KLF8: variants seen among roughly 807,000 people sequenced by gnomAD.
KLF8 encodes the protein KLF transcription factor 8, also known as Krueppel-like factor 8.
Under a neutral mutation model 18.2 loss-of-function variants are expected in KLF8, and 10 were observed. That is an observed-to-expected ratio of 0.55 (90% CI 0.34 to 0.93). KLF8 has a LOEUF of 0.93. KLF8 is among the 40% of genes least tolerant of loss of function. The pLI, the probability that KLF8 is intolerant of heterozygous loss-of-function variation, is 0.02. For missense variants in KLF8, 264 were observed against 277.9 expected (o/e 0.95, Z 0.36); for synonymous variants, 109 against 97.3 (o/e 1.12, Z -0.71).
intron 3 of KLF8, chrX:56,266,010 T>C: frequency 2.3e-6 from 2 of 863,017 alleles, no homozygotes; most frequent in Non-Finnish European, 2.9e-6. Context: ...CATTATTTGA[T>C]ATTAAATAAT....
chrX:56,003,151 G>A, the KLF8 span, among the ~76,000 whole-genome samples: 2 of 111,303 alleles, frequency 1.8e-5, no homozygotes. Flanking sequence ...AGCACTTTGC[G>A]AGGCCAAGGC....
chrX:56,051,812 G>T, the KLF8 span, among the ~76,000 whole-genome samples: 2 of 106,997 alleles, frequency 1.9e-5, no homozygotes, highest in Non-Finnish European at 1.9e-5. Context: ...CTGAACGTTG[G>T]CCTGCCTTGC....
At chrX:56,192,869 T>C in the KLF8 span, among the ~76,000 whole-genome samples, 2 of 111,759 alleles carry the variant, frequency 1.8e-5, no homozygotes, top group African/African-American at 3.2e-5. Context: ...AAGTTAAAGT[T>C]TCTATCACAA....
chrX:56,176,932 G>A, the KLF8 span, among the ~76,000 whole-genome samples: 4 of 111,519 alleles, frequency 3.6e-5, no homozygotes, highest in East Asian at 1.1e-3. Context: ...TATACTTCTC[G>A]TGCCTTGGTT....
the KLF8 span, among the ~76,000 whole-genome samples, chrX:55,967,013 A>G: frequency 8.9e-6 from 1 of 111,954 alleles, no homozygotes; most frequent in African/African-American, 3.2e-5. Flanking sequence ...TTAATAGCAG[A>G]ATTGATCAAG....
the KLF8 span, among the ~76,000 whole-genome samples, chrX:56,190,528 A>AT: frequency 9.0e-6 from 1 of 111,561 alleles, no homozygotes; most frequent in Non-Finnish European, 1.9e-5. Flanking sequence ...TAGAATAAAT[A>AT]TTTTTTCCTT....
At chrX:55,949,613 A>G in the KLF8 span, among the ~76,000 whole-genome samples, 2 of 92,628 alleles carry the variant, frequency 2.2e-5, no homozygotes, top group Non-Finnish European at 4.6e-5. Flanking sequence ...CAACATGGTG[A>G]AACCCTGTCT....
the KLF8 span, among the ~76,000 whole-genome samples, chrX:56,041,407 G>A: frequency 1.8e-5 from 2 of 108,386 alleles, no homozygotes; most frequent in South Asian, 4.0e-4. Flanking sequence ...GAGCCACCTC[G>A]CCCAACCCTT....
the KLF8 span, among the ~76,000 whole-genome samples, chrX:56,085,122 A>G: frequency 3.8e-4 from 43 of 112,074 alleles, no homozygotes; most frequent in Admixed American, 2.4e-3. Context: ...GCCCCAGAGA[A>G]ACACTTGAAA....
chrX:55,969,754 A>T, the KLF8 span, among the ~76,000 whole-genome samples: 1 of 112,012 alleles, frequency 8.9e-6, no homozygotes, highest in Non-Finnish European at 1.9e-5. Flanking sequence ...TTAAAAGCAG[A>T]CATTACAATT....
At chrX:56,115,091 T>C in the KLF8 span, among the ~76,000 whole-genome samples, 1 of 111,695 alleles carries the variant, frequency 9.0e-6, no homozygotes, top group African/African-American at 3.2e-5. Flanking sequence ...GATTATGTTT[T>C]TCTCTTAAAA....
chrX:56,081,325 G>A, the KLF8 span, among the ~76,000 whole-genome samples: 2 of 111,790 alleles, frequency 1.8e-5, no homozygotes, highest in African/African-American at 6.5e-5. Context: ...TGGGTTTTTG[G>A]TGTGGATGTC....
At chrX:56,004,355 T>C in the KLF8 span, among the ~76,000 whole-genome samples, 1 of 111,945 alleles carries the variant, frequency 8.9e-6, no homozygotes, top group African/African-American at 3.2e-5. Flanking sequence ...ACAGATGCCA[T>C]TGAGTAATTG....
the KLF8 span, among the ~76,000 whole-genome samples, chrX:55,910,688 A>G: frequency 8.9e-6 from 1 of 112,175 alleles, no homozygotes; most frequent in Non-Finnish European, 1.9e-5. Flanking sequence ...AAAAAGAAGT[A>G]ACAATCATTC....
chrX:56,050,675 G>T, the KLF8 span, among the ~76,000 whole-genome samples: 1 of 112,106 alleles, frequency 8.9e-6, no homozygotes, highest in Non-Finnish European at 1.9e-5. Flanking sequence ...GCTGAGGAGA[G>T]ATTTACTTCC....
chrX:56,051,487 T>C, the KLF8 span, among the ~76,000 whole-genome samples: 1 of 110,510 alleles, frequency 9.0e-6, no homozygotes, highest in East Asian at 2.8e-4. Context: ...CTCTCAGCAT[T>C]TGCTTGTCTG....
the KLF8 span, among the ~76,000 whole-genome samples, chrX:55,970,495 C>A: frequency 9.0e-6 from 1 of 111,296 alleles, no homozygotes; most frequent in Non-Finnish European, 1.9e-5. Context: ...AAAACCAAAA[C>A]CTTTAAGATC....
chrX:56,114,599 C>A, the KLF8 span, among the ~76,000 whole-genome samples: 1 of 112,658 alleles, frequency 8.9e-6, no homozygotes, highest in Admixed American at 9.3e-5. Flanking sequence ...AATGACCGTC[C>A]TCATATTGCA....
the KLF8 span, among the ~76,000 whole-genome samples, chrX:56,060,909 G>T: frequency 9.0e-5 from 10 of 111,400 alleles, no homozygotes; most frequent in Admixed American, 8.5e-4. Context: ...ACTTCTTACT[G>T]GTTTAGTCTT....
Sources: gnomAD v4.1 joint callset for allele counts (sites outside exome capture counted in the v4.1 genomes callset) on GRCh38, gnomAD v4.1.1 for gene constraint, MANE v1.5 for transcripts, NCBI Gene and HGNC (gene_info 2026-07-23, HGNC 2026-07-21) for gene names.